Variants in LTBP1 observed in about 807,000 individuals in gnomAD.
LTBP1 encodes latent transforming growth factor beta binding protein 1.
In LTBP1, 129 loss-of-function variants were observed where a neutral mutation model predicts 207.6. The ratio of observed to expected loss-of-function variants is 0.62; its 90% CI spans 0.54 to 0.72. LTBP1 has a LOEUF of 0.72. Ranked by LOEUF, LTBP1 falls within the 30% of genes least tolerant of loss-of-function variation. The probability of loss-of-function intolerance (pLI) is 0.00; values close to 1 mark genes in which losing one functional copy is unlikely to be tolerated. For synonymous variants in LTBP1, 963 were observed against 833.7 expected (o/e 1.16, Z -2.67); for missense variants, 2,281 against 2,217.2 (o/e 1.03, Z -0.58).
intron 31 of LTBP1, among the ~76,000 whole-genome samples, chr2:33,384,538 T>C (rs1159071385): frequency 6.6e-6 from 1 of 152,226 alleles, no homozygotes; most frequent in African/African-American, 2.4e-5. Flanking sequence ...CAAGCCCTGC[T>C]AAGCAAAAAC....
At chr2:33,129,127 A>G (rs218206) in intron 4 of LTBP1, among the ~76,000 whole-genome samples, 82,432 of 152,122 alleles carry the variant, frequency 0.54, 22,789 homozygotes, top group African/African-American at 0.63. Flanking sequence ...ATGGGGAAAA[A>G]AAAGTACAGT....
intron 3 of LTBP1, among the ~76,000 whole-genome samples, chr2:33,096,668 A>G (rs374448250): frequency 4.5e-4 from 68 of 152,322 alleles, no homozygotes; most frequent in African/African-American, 1.5e-3. Flanking sequence ...AGAGGAATTT[A>G]GCAGATGATG....
rs576311763 is a variant in LTBP1, at chr2:33,211,813, A to G, written c.1702-5739A>G. Among the ~76,000 whole-genome samples, 3 of 152,338 alleles carry G rather than the reference A, an allele frequency of 2.0e-5. No individual in the cohort carries two copies. The South Asian group carries it at 6.2e-4, about 32-fold the overall frequency. On this transcript the variant is annotated intron_variant, in intron 7 of 33. Coordinates refer to ENST00000404816, the MANE Select transcript of LTBP1 (RefSeq NM_206943.4). ...AAGCAACTCCAGTGGGGAGTTTTTA[A>G]TTGACAAAAATTGTAATCCTTGGTT...
At chr2:33,018,876 T>C (rs1688760366) in intron 2 of LTBP1, among the ~76,000 whole-genome samples, 1 of 152,120 alleles carries the variant, frequency 6.6e-6, no homozygotes, top group South Asian at 2.1e-4. Flanking sequence ...CATTTTTTTT[T>C]TTCTTTTAGA....
chr2:33,326,802 G>A (rs2094434380), intron 24 of LTBP1, among the ~76,000 whole-genome samples: 1 of 151,982 alleles, frequency 6.6e-6, no homozygotes, highest in Non-Finnish European at 1.5e-5. Flanking sequence ...GGGATTACAG[G>A]CACGTGCCAC....
At chr2:33,022,265 C>CTTTTTT (rs3047211) in intron 3 of LTBP1, among the ~76,000 whole-genome samples, 11 of 125,232 alleles carry the variant, frequency 8.8e-5, no homozygotes, top group East Asian at 4.8e-4. Flanking sequence ...CCTCAATCCT[C>CTTTTTT]TTTTTTTTTT....
intron 3 of LTBP1, among the ~76,000 whole-genome samples, chr2:33,047,363 C>T (rs116420750): frequency 0.039 from 5,911 of 152,200 alleles, 192 homozygotes; most frequent in Non-Finnish European, 0.066. Context: ...GCCTTAATTT[C>T]GTTATGTACC....
chr2:33,293,400 A>G, intron 20 of LTBP1, 118 bp downstream of exon 20: 1 of 996,370 alleles, frequency 1.0e-6, no homozygotes. Context: ...CGAGCGACTT[A>G]GAGCACATAT....
chr2:33,235,363 T>C (rs1440891414), intron 9 of LTBP1, among the ~76,000 whole-genome samples: 1 of 152,044 alleles, frequency 6.6e-6, no homozygotes. Flanking sequence ...CCATCTCACG[T>C]CAGTTAGAAT....
chr2:33,126,378 C>G (rs1489079379), intron 4 of LTBP1, among the ~76,000 whole-genome samples: 2 of 152,088 alleles, frequency 1.3e-5, no homozygotes, highest in African/African-American at 2.4e-5. Flanking sequence ...TGTTCTTAGA[C>G]AAGATTCACA....
At chr2:33,156,123 G>A (rs1012328362) in intron 5 of LTBP1, among the ~76,000 whole-genome samples, 7 of 152,170 alleles carry the variant, frequency 4.6e-5, no homozygotes, top group East Asian at 3.9e-4. Flanking sequence ...AGAGCCCTGC[G>A]TGATCAGGAT....
chr2:33,109,083 T>A (rs1572673162), intron 3 of LTBP1, among the ~76,000 whole-genome samples: 4 of 152,372 alleles, frequency 2.6e-5, no homozygotes, highest in Admixed American at 2.6e-4. Flanking sequence ...GATTACTGAC[T>A]AAGAGGGAAG....
intron 7 of LTBP1, among the ~76,000 whole-genome samples, chr2:33,193,327 A>G (rs934437251): frequency 2.6e-5 from 4 of 152,102 alleles, no homozygotes; most frequent in Non-Finnish European, 5.9e-5. Context: ...TTTTTAGTAG[A>G]GACGGGGTTT....
intron 15 of LTBP1, among the ~76,000 whole-genome samples, chr2:33,270,441 T>C (rs2093293411): frequency 6.6e-6 from 1 of 151,526 alleles, no homozygotes; most frequent in Non-Finnish European, 1.5e-5. Context: ...TACAAAAAAA[T>C]TAGCCGGGCG....
At chr2:32,988,920 A>T (rs976204743) in intron 2 of LTBP1, among the ~76,000 whole-genome samples, 3 of 146,316 alleles carry the variant, frequency 2.1e-5, no homozygotes, top group Non-Finnish European at 4.5e-5. Flanking sequence ...AATTTATCCT[A>T]AATGCTTAGA....
chr2:33,014,958 C>CA (rs1688169138), intron 2 of LTBP1, among the ~76,000 whole-genome samples: 1 of 150,676 alleles, frequency 6.6e-6, no homozygotes, highest in South Asian at 2.1e-4. Context: ...AGCCCACTAT[C>CA]TGAGTTTATC....
intron 5 of LTBP1, among the ~76,000 whole-genome samples, chr2:33,162,836 A>G (rs2084581993): frequency 6.6e-6 from 1 of 152,198 alleles, no homozygotes; most frequent in Non-Finnish European, 1.5e-5. Context: ...GACCTGCCAG[A>G]TACAGACAGG....
intron 26 of LTBP1, among the ~76,000 whole-genome samples, chr2:33,358,145 G>A (rs182602805): frequency 2.0e-4 from 31 of 152,220 alleles, no homozygotes; most frequent in African/African-American, 4.8e-4. Flanking sequence ...AAGTCAAGAT[G>A]AGGGCTTGAC....
intron 19 of LTBP1, among the ~76,000 whole-genome samples, chr2:33,290,640 T>C (rs2093755850): frequency 6.6e-6 from 1 of 152,122 alleles, no homozygotes; most frequent in African/African-American, 2.4e-5. Context: ...TTGAGAGATA[T>C]TTGAAGGGCA....
Sources: allele counts gnomAD v4.1 joint callset (sites outside exome capture counted in the v4.1 genomes callset), GRCh38; gene constraint gnomAD v4.1.1; transcripts MANE v1.5; gene names NCBI Gene and HGNC (gene_info 2026-07-23, HGNC 2026-07-21).